The following CNTN5 variants were observed in gnomAD, a reference collection of about 807,000 sequenced individuals.
CNTN5 encodes contactin 5.
CNTN5 carries 77 observed loss-of-function variants against 129.1 expected under a neutral mutation model. The ratio of observed to expected loss-of-function variants is 0.60; its 90% CI spans 0.50 to 0.72. The LOEUF is 0.72. CNTN5 is among the 30% of genes least tolerant of loss of function. The pLI is 0.00. For missense variants in CNTN5, 1,478 were observed against 1,328.8 expected, an observed-to-expected ratio of 1.11 and a Z score of -1.75; for synonymous variants, 509 against 465.6, an observed-to-expected ratio of 1.09 and a Z score of -1.20.
intron 13 of CNTN5, among the ~76,000 whole-genome samples, chr11:100,121,810 TAGTA>T (rs1024382490): frequency 6.6e-5 from 10 of 151,810 alleles, no homozygotes; most frequent in Admixed American, 5.3e-4. Flanking sequence ...GTAAAAAACA[TAGTA>T]AGCAAAATAG....
At chr11:100,118,918 T>C (rs1445349488) in intron 13 of CNTN5, among the ~76,000 whole-genome samples, 1 of 151,862 alleles carries the variant, frequency 6.6e-6, no homozygotes, top group Non-Finnish European at 1.5e-5. Flanking sequence ...TTACATTGTT[T>C]ACCTAGAAAA....
intron 3 of CNTN5, among the ~76,000 whole-genome samples, chr11:99,562,356 T>C (rs1948869739): frequency 6.6e-6 from 1 of 152,198 alleles, no homozygotes; most frequent in African/African-American, 2.4e-5. Flanking sequence ...TTATCAGTCA[T>C]ATACAGGGAA....
chr11:100,310,301 G>C (rs1038370765), intron 21 of CNTN5, among the ~76,000 whole-genome samples: 11 of 151,690 alleles, frequency 7.3e-5, no homozygotes, highest in African/African-American at 2.7e-4. Flanking sequence ...TATCTCAAAG[G>C]GATGTTCCCC....
At chr11:99,081,373 G>C (rs1865791005) in intron 1 of CNTN5, among the ~76,000 whole-genome samples, 1 of 152,136 alleles carries the variant, frequency 6.6e-6, no homozygotes, top group Non-Finnish European at 1.5e-5. Flanking sequence ...CAGATGTGTA[G>C]AAAACATTTC....
In CNTN5 at chr11:100,204,295, CTAATATATATATATATATAT is replaced by C. The variant is rs1356299021; in HGVS notation, c.1884+10633_1884+10652del. 9.7e-3 allele frequency among the ~76,000 whole-genome samples: 270 copies of C among 27,708 alleles called. 10 individuals are homozygous for C. Among genetic ancestry groups the C allele is most frequent in the Admixed American group, 0.065 (118 of 1,828 alleles). The allele number at this position is 27,708 out of a possible 152,430, so 18.2% of individuals were successfully genotyped here. ...TAGCTCACCAAGAAACAAACATTGACTAATATATATATATATATATATATATATATATATATATATATATA... is the reference window on the plus strand; with the variant it reads ...TAGCTCACCAAGAAACAAACATTGACATATATATATATATATATATATATA... On this transcript the variant is annotated intron_variant, in intron 15 of 24. Transcript: ENST00000524871.
intron 13 of CNTN5, among the ~76,000 whole-genome samples, chr11:100,077,580 G>C (rs12273983): frequency 0.072 from 10,973 of 152,026 alleles, 1,074 homozygotes; most frequent in African/African-American, 0.22. Flanking sequence ...CAGCACTTTG[G>C]GGGGCCAAGA....
At chr11:99,855,031 A>G (rs564272237) in intron 6 of CNTN5, among the ~76,000 whole-genome samples, 4 of 152,314 alleles carry the variant, frequency 2.6e-5, no homozygotes, top group South Asian at 2.1e-4. Context: ...CCTTTGGGCC[A>G]GGTGCTGTGG....
intron 1 of CNTN5, among the ~76,000 whole-genome samples, chr11:99,203,680 T>C (rs11218801): frequency 0.54 from 82,164 of 151,698 alleles, 23,008 homozygotes; most frequent in African/African-American, 0.7. Flanking sequence ...ACCTCTGCCT[T>C]CTGGTTCAAG....
intron 21 of CNTN5, chr11:100,337,038 A>G: frequency 1.1e-6 from 1 of 942,052 alleles, no homozygotes. Context: ...TGATTGATGA[A>G]GTGTTCAAAA....
Position 100,288,453 on chromosome 11 carries a change from C to T in CNTN5, c.2315-9172C>T, listed in dbSNP as rs187950118. On this transcript the variant is annotated intron_variant, in intron 18 of 24. Coordinates refer to ENST00000524871, the MANE Select transcript of CNTN5 (RefSeq NM_014361.4). ...TCAAACTAGAACTCAGGATTAAGAA[C>T]CTCACCCAAACCGCTCAACTACATG... Among the ~76,000 whole-genome samples, 1,331 of 152,178 alleles carry T rather than the reference C, an allele frequency of 8.7e-3. 28 individuals are homozygous for T. Among genetic ancestry groups the T allele is most frequent in the African/African-American group, 0.031 (1,279 of 41,510 alleles).
chr11:100,082,683 C>G (rs1042334412), intron 13 of CNTN5, among the ~76,000 whole-genome samples: 4 of 151,928 alleles, frequency 2.6e-5, no homozygotes, highest in Non-Finnish European at 4.4e-5. Flanking sequence ...TCATTGAACA[C>G]GGTAGAAATT....
chr11:100,025,090 G>A (rs972618341), intron 9 of CNTN5, among the ~76,000 whole-genome samples: 1 of 152,214 alleles, frequency 6.6e-6, no homozygotes, highest in African/African-American at 2.4e-5. Flanking sequence ...TCCCATCTAA[G>A]GCCTGGAGGC....
chr11:99,938,460 A>G lies in CNTN5; in HGVS notation c.674-18346A>G, dbSNP rs1363474775. ...GAGAGACAGATTTATTCTTGGAGCA[A>G]TCAGCTCTTAGATCTATCTACCCAG... On this transcript the variant is annotated intron_variant, in intron 7 of 24. Coordinates refer to ENST00000524871, the MANE Select transcript of CNTN5 (RefSeq NM_014361.4). 3.3e-5 allele frequency among the ~76,000 whole-genome samples: 5 copies of G among 152,294 alleles called. No homozygotes were observed. The East Asian group carries it at 9.6e-4, about 29-fold the overall frequency.
chr11:99,577,065 G>A (rs1052327294), intron 3 of CNTN5, among the ~76,000 whole-genome samples: 3 of 152,120 alleles, frequency 2.0e-5, no homozygotes, highest in African/African-American at 7.2e-5. Context: ...CAAAGTTTCG[G>A]TAGAGGTCTT....
intron 3 of CNTN5, among the ~76,000 whole-genome samples, chr11:99,641,565 A>G (rs189406826): frequency 1.3e-3 from 204 of 152,216 alleles, no homozygotes; most frequent in South Asian, 7.9e-3. Context: ...TAGGAAGTAG[A>G]AATGTGTAGT....
chr11:99,144,592 A>G (rs914992760), intron 1 of CNTN5, among the ~76,000 whole-genome samples: 5 of 152,146 alleles, frequency 3.3e-5, no homozygotes, highest in African/African-American at 1.2e-4. Flanking sequence ...GGTGTCCTAT[A>G]TGTCACATAG....
Position 100,308,689 on chromosome 11 carries a change from GT to G in CNTN5, c.2730+226del. ...AGCTTCCGTAGCACTATGCAAAGAT[GT>G]TTTTAAAAGATGAAATAGAGTTTTA... is the stretch of plus-strand genomic sequence containing the variant. On this transcript the variant is annotated intron_variant, in intron 21 of 24. Coordinates refer to ENST00000524871, the MANE Select transcript of CNTN5 (RefSeq NM_014361.4). 2.6e-6 allele frequency: 3 copies of G among 1,133,756 alleles called. 1 individual carries two copies. The highest frequency in any genetic ancestry group is 8.3e-5 in the South Asian group (2 of 24,028). 70.2% of individuals were successfully genotyped at this position (1,133,756 alleles called of 1,614,324 possible).
chr11:100,113,230 T>A (rs1945712761), intron 13 of CNTN5, among the ~76,000 whole-genome samples: 1 of 151,368 alleles, frequency 6.6e-6, no homozygotes, highest in African/African-American at 2.4e-5. Flanking sequence ...ATTTTCAGTT[T>A]TACTGAAATT....
chr11:99,031,876 A>C (rs1419535634), intron 1 of CNTN5, among the ~76,000 whole-genome samples: 1 of 148,238 alleles, frequency 6.7e-6, no homozygotes. Flanking sequence ...TTAACTCGTC[A>C]TCTAGCATTA....
Sources: gnomAD v4.1 joint callset for allele counts (sites outside exome capture counted in the v4.1 genomes callset) on GRCh38, gnomAD v4.1.1 for gene constraint, MANE v1.5 for transcripts, NCBI Gene and HGNC (gene_info 2026-07-23, HGNC 2026-07-21) for gene names.